The following BSN variants were observed in gnomAD, a reference collection of about 807,000 sequenced individuals.
BSN encodes protein bassoon.
In BSN, 57 loss-of-function variants were observed where a neutral mutation model predicts 264.8. The observed-to-expected ratio is 0.22, with a 90% confidence interval of 0.17 to 0.27. BSN has a LOEUF of 0.27. Ranked by LOEUF, BSN falls within the 10% of genes least tolerant of loss-of-function variation. BSN has a pLI of 1.00. For missense variants in BSN, 4,615 were observed against 5,232.5 expected (o/e 0.88, Z 3.64); for synonymous variants, 2,059 against 2,137.3 (o/e 0.96, Z 1.01).
chr3:49,589,578 C>T (rs2051962164), intron 1 of BSN, among the ~76,000 whole-genome samples: 1 of 149,324 alleles, frequency 6.7e-6, no homozygotes, highest in Non-Finnish European at 1.5e-5. Context: ...GCAATCTCAG[C>T]TCACAGCAAC....
chr3:49,671,153 CGTGCGTGTGTGTGTGT>C lies in BSN; in HGVS notation c.*3672_*3687del. On this transcript the variant is annotated 3_prime_UTR_variant, in exon 12 of 12. Coordinates refer to ENST00000296452, the MANE Select transcript of BSN (RefSeq NM_003458.4). The surrounding 1 kb of genome is among the most constrained non-coding windows in gnomAD (Gnocchi z 4.1). Reference sequence around the variant, plus strand: ...GATCATGTGTGTATGTGCGTGCGTGCGTGCGTGTGTGTGTGTGTGTGTGTTTCTGCCTCATTCAGTT... The same window carrying C: ...GATCATGTGTGTATGTGCGTGCGTGCGTGTGTGTTTCTGCCTCATTCAGTT... 1.9e-5 allele frequency: 1 copy of C among 51,632 alleles called. No individual in the cohort carries two copies. Among genetic ancestry groups the C allele is most frequent in the Non-Finnish European group, 4.4e-5 (1 of 22,722 alleles). The allele number at this position is 51,632 out of a possible 1,614,324, so 3.2% of individuals were successfully genotyped here.
At chr3:49,639,688 A>C (rs1441851660) in intron 2 of BSN, among the ~76,000 whole-genome samples, 1 of 152,202 alleles carries the variant, frequency 6.6e-6, no homozygotes. Flanking sequence ...GCAGGACTAC[A>C]GAAGGCACCA....
At chr3:49,607,239 CTTG>C (rs1327801921) in intron 1 of BSN, among the ~76,000 whole-genome samples, 1 of 152,172 alleles carries the variant, frequency 6.6e-6, no homozygotes, top group Non-Finnish European at 1.5e-5. Flanking sequence ...GCCCACTCCA[CTTG>C]TTGTCAAGCC....
intron 3 of BSN, among the ~76,000 whole-genome samples, chr3:49,644,075 C>T (rs538531934): frequency 2.6e-5 from 4 of 152,300 alleles, no homozygotes; most frequent in East Asian, 3.9e-4. Flanking sequence ...CCAGGGTCAC[C>T]CATGTGACCC....
In BSN at chr3:49,653,710, C is replaced by A; in HGVS notation, c.4154C>A (p.Ala1385Asp). 6.2e-7 allele frequency: 1 copy of A among 1,613,992 alleles called. No individual in the cohort carries two copies. The highest frequency in any genetic ancestry group is 8.5e-7 in the Non-Finnish European group (1 of 1,179,948). ...SQGPGTPATT[A>D]VAPCPAGLPR... ...GGCCCTGGGACCCCAGCCACCACAGCTGTGGCTCCTTGTCCAGCTGGGCTG... is the reference window on the plus strand; with the variant it reads ...GGCCCTGGGACCCCAGCCACCACAGATGTGGCTCCTTGTCCAGCTGGGCTG... Residue 1385 changes from alanine to aspartate, a missense_variant, in exon 5 of 12, where the codon GCT becomes GAT. By Grantham distance (126) the Ala-to-Asp change is moderately radical. Coordinates refer to ENST00000296452, the MANE Select transcript of BSN (RefSeq NM_003458.4). This position sits in a 1 kb window ranked among gnomAD's most constrained non-coding sequence, Gnocchi z 6.3.
In BSN at chr3:49,650,844, G is replaced by T; in HGVS notation, c.1751G>T (p.Ser584Ile). The T allele has an allele frequency of 1.2e-6, 2 of 1,614,082 alleles. No homozygotes were observed. The highest frequency in any genetic ancestry group is 1.7e-4 in the Middle Eastern group (1 of 6,060). The change falls in exon 4 of 12, where the codon AGC becomes ATC. Residue 584 changes from serine (S) to isoleucine (I), a missense_variant. Around this residue, in one of 3 missense-constraint regions of BSN, gnomAD observed 1,197 missense variants for 1,348.0 expected, o/e 0.89. Coordinates refer to ENST00000296452, the MANE Select transcript of BSN (RefSeq NM_003458.4). ...TCCACCAAGGCCAGCCCTCTGCCCA[G>T]CAAGGCCAGCCCCCAGGCCAAGCCC... Reference protein sequence around the residue: ...PLSTKASPLPSKASPQAKPLR... With the variant: ...PLSTKASPLPIKASPQAKPLR...
At chr3:49,558,130 A>T (rs2051688175) in intron 1 of BSN, among the ~76,000 whole-genome samples, 1 of 152,242 alleles carries the variant, frequency 6.6e-6, no homozygotes, top group Admixed American at 6.5e-5. Context: ...AGGGTTGTTA[A>T]TTGGGAAGAG....
chr3:49,586,687 C>T (rs553163891), intron 1 of BSN, among the ~76,000 whole-genome samples: 1 of 152,304 alleles, frequency 6.6e-6, no homozygotes, highest in South Asian at 2.1e-4. Context: ...AGTGTGTGTT[C>T]TTGGCACCTT....
At chr3:49,650,413 T>C (rs369024065) in intron 3 of BSN, among the ~76,000 whole-genome samples, 199 bp from the exon 4 acceptor site, 5 of 152,214 alleles carry the variant, frequency 3.3e-5, no homozygotes, top group African/African-American at 4.8e-5. Context: ...ATTCTGACTT[T>C]GTGTGTGTTC....
chr3:49,651,197 G>A lies in BSN; in HGVS notation c.1986+118G>A, dbSNP rs1029741827. On this transcript the variant is annotated intron_variant, in intron 4 of 11. Transcript: ENST00000296452. The surrounding 1 kb of genome is among the most constrained non-coding windows in gnomAD (Gnocchi z 5.4). The stretch of plus-strand genomic sequence containing the variant: ...AGGACAGGTGCCTTGGGGCCACACA[G>A]GAGGGAAGGGACACAGTAGAAGGAA... 3 of 994,114 alleles carry A rather than the reference G, an allele frequency of 3.0e-6. No homozygotes were observed. The highest frequency in any genetic ancestry group is 3.3e-5 in the African/African-American group (2 of 61,066). 61.6% of individuals were successfully genotyped at this position (994,114 alleles called of 1,614,324 possible).
At chr3:49,634,698 A>C (rs1183187585) in intron 2 of BSN, among the ~76,000 whole-genome samples, 2 of 152,234 alleles carry the variant, frequency 1.3e-5, no homozygotes, top group Non-Finnish European at 2.9e-5. Context: ...GGCCAAAAAT[A>C]ATGCTAATTT....
At chr3:49,595,553 A>G (rs1350092056) in intron 1 of BSN, among the ~76,000 whole-genome samples, 4 of 151,780 alleles carry the variant, frequency 2.6e-5, no homozygotes, top group African/African-American at 7.3e-5. Context: ...GTGCAGTGGC[A>G]TAATCATAGC....
chr3:49,570,553 C>T (rs912270703), intron 1 of BSN, among the ~76,000 whole-genome samples: 2 of 152,128 alleles, frequency 1.3e-5, no homozygotes, highest in African/African-American at 4.8e-5. Flanking sequence ...CTACTCAGGC[C>T]CCCAGTTGGG....
chr3:49,584,576 C>A (rs1388904919), intron 1 of BSN, among the ~76,000 whole-genome samples: 1 of 152,004 alleles, frequency 6.6e-6, no homozygotes, highest in Non-Finnish European at 1.5e-5. Context: ...AATAAGCACA[C>A]CATGGAGAAT....
intron 1 of BSN, among the ~76,000 whole-genome samples, chr3:49,567,838 G>T (rs767550298): frequency 2.0e-5 from 3 of 152,202 alleles, no homozygotes; most frequent in Non-Finnish European, 4.4e-5. Context: ...TGGAGTTTCA[G>T]CTGGAAGACT....
rs1490931494 is a variant in BSN at position 49,669,012 on chromosome 3, A to G, written c.*1527A>G. Reference sequence around the variant, plus strand: ...CTCCCATTGTGTGTGTGAAATTCTCAGTCTGTGGCATGTTTGACCTGTGGC... The same window carrying G: ...CTCCCATTGTGTGTGTGAAATTCTCGGTCTGTGGCATGTTTGACCTGTGGC... On this transcript the variant is annotated 3_prime_UTR_variant, in exon 12 of 12. Transcript: ENST00000296452. 2 of 128,744 alleles carry G rather than the reference A, an allele frequency of 1.6e-5. No homozygotes were observed. Among genetic ancestry groups the G allele is most frequent in the Non-Finnish European group, 3.1e-5 (2 of 65,272 alleles). 8.0% of individuals were successfully genotyped at this position (128,744 alleles called of 1,614,324 possible). A position where few individuals can be genotyped will look rare whatever the true frequency, so the allele number is the denominator to read the frequency against.
At chr3:49,624,201 C>T (rs62262673) in intron 1 of BSN, among the ~76,000 whole-genome samples, 16,880 of 151,848 alleles carry the variant, frequency 0.11, 1,259 homozygotes, top group Middle Eastern at 0.19. Flanking sequence ...GGGGTTTCAC[C>T]CATGTTGGCC....
chr3:49,554,962 G>T (rs1368012629), intron 1 of BSN, 136 bp downstream of exon 1: 3 of 496,176 alleles, frequency 6.0e-6, no homozygotes, highest in Admixed American at 4.8e-5. Context: ...GGATTGGCGT[G>T]AACTGGGTGG....
At chr3:49,658,507 C>G (rs1013472532) in intron 5 of BSN, among the ~76,000 whole-genome samples, 8 of 152,214 alleles carry the variant, frequency 5.3e-5, no homozygotes, top group Non-Finnish European at 7.3e-5. Flanking sequence ...CCTGCTACCT[C>G]CCCCTTTAGG....
Sources: gnomAD v4.1 joint callset for allele counts (sites outside exome capture counted in the v4.1 genomes callset) on GRCh38, gnomAD v4.1.1 for gene constraint, gnomAD v4.1.1 regional missense constraint, Gnocchi (gnomAD v3.1) non-coding constraint, MANE v1.5 for transcripts, NCBI Gene and HGNC (gene_info 2026-07-23, HGNC 2026-07-21) for gene names.